The following NEGR1 variants were observed in gnomAD, a reference collection of about 807,000 sequenced individuals.
NEGR1 encodes the protein IgLON family member 4.
NEGR1 carries 10 observed loss-of-function variants against 40.9 expected under a neutral mutation model. That is an observed-to-expected ratio of 0.24 (90% confidence interval 0.15 to 0.42). NEGR1 has a LOEUF of 0.42. Among genes scored for constraint, NEGR1 ranks in the 10% least tolerant of loss-of-function variants. The probability of loss-of-function intolerance (pLI) is 1.00; values close to 1 mark genes in which losing one functional copy is unlikely to be tolerated. For synonymous variants in NEGR1, 185 were observed against 166.8 expected (o/e 1.11, Z -0.84); for missense variants, 352 against 438.9 (o/e 0.80, Z 1.77).
chr1:71,970,044 G>C (rs541091816), intron 1 of NEGR1, among the ~76,000 whole-genome samples: 250 of 152,294 alleles, frequency 1.6e-3, no homozygotes, highest in Middle Eastern at 6.8e-3. Context: ...GTGCTACTTA[G>C]ATTATTATGG....
intron 2 of NEGR1, among the ~76,000 whole-genome samples, chr1:71,836,224 G>A (rs1030817180): frequency 4.0e-5 from 6 of 151,880 alleles, no homozygotes; most frequent in Non-Finnish European, 7.4e-5. Flanking sequence ...GGCTGAGGAG[G>A]GTGGATCACC....
intron 2 of NEGR1, among the ~76,000 whole-genome samples, chr1:71,903,244 A>C (rs1188296469): frequency 6.6e-6 from 1 of 151,998 alleles, no homozygotes; most frequent in Non-Finnish European, 1.5e-5. Context: ...GATGGTATGT[A>C]AACATTTATT....
At chr1:71,686,621 C>T (rs908452675) in intron 4 of NEGR1, among the ~76,000 whole-genome samples, 1 of 152,136 alleles carries the variant, frequency 6.6e-6, no homozygotes, top group Non-Finnish European at 1.5e-5. Flanking sequence ...CCAAAGCTAA[C>T]CCCAAACCAG....
At chr1:71,526,734 C>T (rs1042750419) in intron 6 of NEGR1, among the ~76,000 whole-genome samples, 12 of 151,430 alleles carry the variant, frequency 7.9e-5, no homozygotes, top group South Asian at 2.1e-4. Context: ...TTCTGATGCC[C>T]GTCTTATTCA....
At chr1:71,730,569 TTATATATA>T (rs56382019) in intron 3 of NEGR1, among the ~76,000 whole-genome samples, 3 of 134,726 alleles carry the variant, frequency 2.2e-5, no homozygotes, top group African/African-American at 8.3e-5. Context: ...TAGTATAAAT[TTATATATA>T]TATATATATA....
intron 1 of NEGR1, among the ~76,000 whole-genome samples, chr1:72,172,809 C>A (rs1005353660): frequency 1.3e-5 from 2 of 152,012 alleles, no homozygotes; most frequent in African/African-American, 4.8e-5. Context: ...GGCTGCCCAC[C>A]TTATTTGGCT....
Position 71,899,960 on chromosome 1 carries a change from G to T in NEGR1, c.409+35119C>A, listed in dbSNP as rs182306106. 2.3e-3 allele frequency among the ~76,000 whole-genome samples: 356 copies of T among 152,188 alleles called. 2 individuals are homozygous for T. The highest frequency in any genetic ancestry group is 8.1e-3 in the African/African-American group (338 of 41,532). On this transcript the variant is annotated intron_variant, in intron 2 of 6. Transcript: ENST00000357731. ...TCCACTGGAGTATTTGGGAATATTC[G>T]CCAAGAGTTACAAAGAAAACATGGC...
At chr1:72,179,659 A>C (rs978237794) in intron 1 of NEGR1, among the ~76,000 whole-genome samples, 1 of 152,112 alleles carries the variant, frequency 6.6e-6, no homozygotes, top group African/African-American at 2.4e-5. Flanking sequence ...AGTACTAGGC[A>C]TTTTATTCTA....
chr1:72,117,758 C>T (rs891700571), intron 1 of NEGR1, among the ~76,000 whole-genome samples: 8 of 151,744 alleles, frequency 5.3e-5, no homozygotes, highest in African/African-American at 1.9e-4. Flanking sequence ...GGGGTGGACA[C>T]CTGCTAGTTT....
intron 1 of NEGR1, among the ~76,000 whole-genome samples, chr1:72,166,840 C>G (rs1335209419): frequency 1.3e-5 from 2 of 151,826 alleles, no homozygotes; most frequent in Non-Finnish European, 2.9e-5. Context: ...CATAGTGTAT[C>G]CTATGCATAC....
At chr1:71,581,445 G>A (rs181597265) in intron 6 of NEGR1, among the ~76,000 whole-genome samples, 1 of 152,214 alleles carries the variant, frequency 6.6e-6, no homozygotes, top group East Asian at 1.9e-4. Flanking sequence ...AGTTGCACAG[G>A]TTATTTTCAT....
intron 6 of NEGR1, among the ~76,000 whole-genome samples, chr1:71,562,779 C>A (rs774508983): frequency 3.9e-5 from 6 of 151,962 alleles, no homozygotes; most frequent in Non-Finnish European, 5.9e-5. Context: ...GTGACTCCAA[C>A]AATAAAATTT....
intron 6 of NEGR1, among the ~76,000 whole-genome samples, chr1:71,526,605 AAGCCCTGAT>A (rs1359342831): frequency 6.6e-6 from 1 of 151,502 alleles, no homozygotes; most frequent in Non-Finnish European, 1.5e-5. Context: ...ATCAACAAGT[AAGCCCTGAT>A]ATGTTTGCCG....
intron 6 of NEGR1, among the ~76,000 whole-genome samples, chr1:71,492,076 C>G (rs1303622598): frequency 1.3e-5 from 2 of 152,062 alleles, no homozygotes; most frequent in Non-Finnish European, 2.9e-5. Context: ...AATGAAGCCC[C>G]TACCAGAAAC....
intron 6 of NEGR1, among the ~76,000 whole-genome samples, chr1:71,414,690 T>A (rs985352661): frequency 6.6e-6 from 1 of 152,168 alleles, no homozygotes; most frequent in Admixed American, 6.5e-5. Flanking sequence ...GTGTGAATAT[T>A]GCATGCTCCT....
chr1:71,713,554 G>C (rs1654176957), intron 3 of NEGR1, among the ~76,000 whole-genome samples: 1 of 152,258 alleles, frequency 6.6e-6, no homozygotes, highest in Admixed American at 6.5e-5. Context: ...AAATAGTTTT[G>C]TTACACATAA....
chr1:71,746,685 T>C (rs1354904791), intron 3 of NEGR1, among the ~76,000 whole-genome samples: 5 of 151,842 alleles, frequency 3.3e-5, no homozygotes, highest in African/African-American at 4.8e-5. Flanking sequence ...CAATGTCTCC[T>C]TACTTGAAAA....
intron 6 of NEGR1, among the ~76,000 whole-genome samples, chr1:71,529,980 G>A (rs1010412210): frequency 6.6e-6 from 1 of 150,946 alleles, no homozygotes; most frequent in African/African-American, 2.4e-5. Flanking sequence ...ATGACTTCAG[G>A]ACCTTCATTT....
intron 6 of NEGR1, among the ~76,000 whole-genome samples, chr1:71,552,874 C>T (rs956940981): frequency 9.9e-5 from 15 of 151,442 alleles, no homozygotes; most frequent in Admixed American, 3.3e-4. Context: ...GCAATTGAAA[C>T]TGCCCAATCC....
Sources: gnomAD v4.1 joint callset for allele counts (sites outside exome capture counted in the v4.1 genomes callset) on GRCh38, gnomAD v4.1.1 for gene constraint, MANE v1.5 for transcripts, NCBI Gene and HGNC (gene_info 2026-07-23, HGNC 2026-07-21) for gene names.